Variants in PKP4 observed in about 807,000 individuals in gnomAD.
The protein encoded by PKP4 is plakophilin 4.
Under a neutral mutation model 145.1 loss-of-function variants are expected in PKP4, and 90 were observed. That is an observed-to-expected ratio of 0.62 (90% confidence interval 0.52 to 0.74). The LOEUF (loss-of-function observed/expected upper bound fraction) is 0.74, where lower values mean the gene tolerates loss of function less well. Among genes scored for constraint, PKP4 ranks in the 30% least tolerant of loss-of-function variants. The pLI is 0.00. For synonymous variants in PKP4, 563 were observed against 577.2 expected (o/e 0.98, Z 0.35); for missense variants, 1,340 against 1,482.7 (o/e 0.90, Z 1.58).
intron 1 of PKP4, among the ~76,000 whole-genome samples, chr2:158,497,247 A>G (rs1199303130): frequency 6.6e-6 from 1 of 152,192 alleles, no homozygotes; most frequent in Non-Finnish European, 1.5e-5. Context: ...GGAAGCTCCT[A>G]TGTATTTTTA....
At chr2:158,526,612 A>G (rs982960815) in intron 1 of PKP4, among the ~76,000 whole-genome samples, 2 of 96,680 alleles carry the variant, frequency 2.1e-5, no homozygotes, top group African/African-American at 8.6e-5. Flanking sequence ...CCTATTCAAC[A>G]TAGTGTTGGA....
intron 3 of PKP4, among the ~76,000 whole-genome samples, chr2:158,580,633 G>A (rs910605498): frequency 1.3e-5 from 2 of 152,118 alleles, no homozygotes; most frequent in African/African-American, 4.8e-5. Flanking sequence ...AGAGTGCAGT[G>A]TGTAAAACAG....
At position 158,493,859 on chromosome 2, in the gene PKP4, C is replaced by T. The variant is rs191692866; in HGVS notation, c.-6+36641C>T. ...CCTTTCTCTCCTCTTCCCTCACTCT[C>T]CCCCTTTCCCCACCCTTGTGGACCC... On this transcript the variant is annotated intron_variant, in intron 1 of 21. Coordinates refer to ENST00000389759, the MANE Select transcript of PKP4 (RefSeq NM_003628.6). Among the ~76,000 whole-genome samples the T allele has an allele frequency of 6.2e-4, 94 of 152,284 alleles. 1 individual carries two copies. In the Middle Eastern group the frequency reaches 0.02, roughly 33 times the overall value.
intron 7 of PKP4, 37 bp downstream of exon 7, chr2:158,625,464 G>A (rs918821548): frequency 2.0e-6 from 3 of 1,497,174 alleles, no homozygotes; most frequent in Non-Finnish European, 9.1e-7. Context: ...AAAACCCAGT[G>A]AGGAAATCTT....
intron 11 of PKP4, among the ~76,000 whole-genome samples, chr2:158,644,902 G>A (rs2054681384): frequency 1.3e-5 from 2 of 152,036 alleles, no homozygotes; most frequent in Non-Finnish European, 2.9e-5. Flanking sequence ...TTTCATGCTT[G>A]AGATATTTAA....
intron 1 of PKP4, among the ~76,000 whole-genome samples, chr2:158,474,505 TTAAA>T (rs1055727185): frequency 2.0e-5 from 3 of 152,160 alleles, no homozygotes; most frequent in Non-Finnish European, 4.4e-5. Context: ...AAAAAATTTT[TTAAA>T]AAACCATGAG....
intron 21 of PKP4, chr2:158,679,152 G>C (rs570556630): frequency 6.2e-6 from 1 of 161,494 alleles, no homozygotes; most frequent in East Asian, 1.7e-4. Context: ...GCCCCTGCCG[G>C]GATGGACCTC....
intron 2 of PKP4, among the ~76,000 whole-genome samples, chr2:158,570,636 A>G (rs2047342516): frequency 6.6e-6 from 1 of 152,194 alleles, no homozygotes; most frequent in African/African-American, 2.4e-5. Context: ...TTTCCTGCTG[A>G]GATACATAGT....
At position 158,548,551 on chromosome 2, in the gene PKP4, T is replaced by C. The variant is rs187946626; in HGVS notation, c.132+15235T>C. 21 of 156,004 alleles carry C rather than the reference T, an allele frequency of 1.3e-4. No individual in the cohort carries two copies. In the East Asian group the frequency reaches 2.8e-3, roughly 21 times the overall value. The allele number at this position is 156,004 out of a possible 1,614,324, so 9.7% of individuals were successfully genotyped here. A position where few individuals can be genotyped will look rare whatever the true frequency, so the allele number is the denominator to read the frequency against. On this transcript the variant is annotated intron_variant, in intron 2 of 21. Coordinates refer to ENST00000389759, the MANE Select transcript of PKP4 (RefSeq NM_003628.6). ...AAGACCTGAGAATTTTGGCATTGGA[T>C]AGGACATCTAGCCCAAATGGGATCT...
chr2:158,543,195 C>T (rs1286840502), intron 2 of PKP4, among the ~76,000 whole-genome samples: 5 of 152,164 alleles, frequency 3.3e-5, no homozygotes, highest in Admixed American at 6.5e-5. Context: ...GCAAAATATA[C>T]GTACAAATCG....
At chr2:158,485,163 G>A (rs1176634712) in intron 1 of PKP4, among the ~76,000 whole-genome samples, 1 of 152,118 alleles carries the variant, frequency 6.6e-6, no homozygotes, top group Non-Finnish European at 1.5e-5. Flanking sequence ...GTGACAGCCT[G>A]GCCTGTATAC....
intron 4 of PKP4, among the ~76,000 whole-genome samples, chr2:158,607,031 A>C (rs746100049): frequency 2.0e-5 from 3 of 152,120 alleles, no homozygotes; most frequent in South Asian, 2.1e-4. Flanking sequence ...CTATATATAA[A>C]ATTGTATTGG....
intron 11 of PKP4, among the ~76,000 whole-genome samples, chr2:158,654,036 C>T (rs1324850454): frequency 1.3e-5 from 2 of 152,198 alleles, no homozygotes; most frequent in East Asian, 3.8e-4. Flanking sequence ...TTAATCATTT[C>T]ATATCTAAGG....
At chr2:158,578,200 CT>C in intron 3 of PKP4, 1 of 249,332 alleles carries the variant, frequency 4.0e-6, no homozygotes, top group African/African-American at 2.3e-5. Context: ...AAAAAAACTT[CT>C]TAGTGAATAG....
intron 4 of PKP4, among the ~76,000 whole-genome samples, chr2:158,603,771 C>G (rs1014395613): frequency 6.6e-6 from 1 of 152,168 alleles, no homozygotes; most frequent in African/African-American, 2.4e-5. Context: ...GTCCCCTTCC[C>G]CCATGGAGCT....
At chr2:158,536,929 A>G (rs1369923551) in intron 2 of PKP4, among the ~76,000 whole-genome samples, 1 of 152,206 alleles carries the variant, frequency 6.6e-6, no homozygotes, top group Non-Finnish European at 1.5e-5. Context: ...TTGGATTTAT[A>G]TAATCAGTTA....
At chr2:158,584,933 G>C (rs1453326178) in intron 3 of PKP4, among the ~76,000 whole-genome samples, 9 of 152,020 alleles carry the variant, frequency 5.9e-5, no homozygotes, top group Admixed American at 5.9e-4. Context: ...ATCATAAATT[G>C]GTTCCAAGTA....
rs79039489 is a variant in PKP4, at chr2:158,602,219, C to T, written c.246-851C>T. On this transcript the variant is annotated intron_variant, in intron 3 of 21. Coordinates refer to ENST00000389759, the MANE Select transcript of PKP4 (RefSeq NM_003628.6). ...CCAGGTAGCACAGTGATAAGGTGCA[C>T]GAGTTTGGAATCTGACCAGGAGTCC... is the stretch of plus-strand genomic sequence containing the variant. Among the ~76,000 whole-genome samples, 234 of 152,168 alleles carry T rather than the reference C, an allele frequency of 1.5e-3. 1 individual carries two copies. Among genetic ancestry groups the T allele is most frequent in the African/African-American group, 5.3e-3 (221 of 41,528 alleles).
chr2:158,662,852 TA>T, intron 13 of PKP4, 44 bp from the exon 14 acceptor site: 1 of 1,518,424 alleles, frequency 6.6e-7, no homozygotes, highest in East Asian at 2.3e-5. Flanking sequence ...TGTTTTGCTC[TA>T]ATGTGCCGAG....
Sources: allele counts gnomAD v4.1 joint callset (sites outside exome capture counted in the v4.1 genomes callset), GRCh38; gene constraint gnomAD v4.1.1; transcripts MANE v1.5; gene names NCBI Gene and HGNC (gene_info 2026-07-23, HGNC 2026-07-21).